EPDR1: variants seen among roughly 807,000 people sequenced by gnomAD.
The protein encoded by EPDR1 is mammalian ependymin-related protein 1.
Under a neutral mutation model 23.7 loss-of-function variants are expected in EPDR1, and 27 were observed. That is an observed-to-expected ratio of 1.14 (90% CI 0.84 to 1.57). EPDR1 has a LOEUF of 1.57. EPDR1 is among the 40% of genes most tolerant of loss of function. The pLI is 0.00. For missense variants in EPDR1, 349 were observed against 290.4 expected, an observed-to-expected ratio of 1.20 and a Z score of -1.47; for synonymous variants, 137 against 118.2, an observed-to-expected ratio of 1.16 and a Z score of -1.03.
Position 37,921,019 on chromosome 7 carries a change from T to A in EPDR1, c.80T>A (p.Leu27Gln), listed in dbSNP as rs1481401028. Reference sequence around the variant, plus strand: ...CTGGGCGGCCTCTGGGCCTGGACCCTGTGCGGCCTGTGCAGCCTGGGGGCG... The same window carrying A: ...CTGGGCGGCCTCTGGGCCTGGACCCAGTGCGGCCTGTGCAGCCTGGGGGCG... ...WLLGGLWAWT[L>Q]CGLCSLGAVG... The change falls in exon 1 of 3, where the codon CTG (leucine) becomes CAG (glutamine). Residue 27 changes from leucine (L) to glutamine (Q), a missense_variant. Transcript: ENST00000199448. 1 of 1,521,908 alleles carries A rather than the reference T, an allele frequency of 6.6e-7. No homozygotes were observed. Among genetic ancestry groups the A allele is most frequent in the Admixed American group, 2.1e-5 (1 of 48,234 alleles). The allele number at this position is 1,521,908 out of a possible 1,614,324, so 94.3% of individuals were successfully genotyped here.
chr7:37,937,301 C>T lies in EPDR1; in HGVS notation c.270-11539C>T, dbSNP rs867952640. On this transcript the variant is annotated intron_variant, in intron 1 of 2. Transcript: ENST00000199448. ...AAAACCACACAGTTATGATAGAAAA[C>T]ATGATGCATTCCTTTATAATCTGAG... 2.6e-5 allele frequency among the ~76,000 whole-genome samples: 4 copies of T among 152,236 alleles called. No homozygotes were observed. The South Asian group carries it at 8.3e-4, about 32-fold the overall frequency.
Position 37,936,557 on chromosome 7 carries a change from T to C in EPDR1, c.270-12283T>C, listed in dbSNP as rs1358376360. 2.6e-5 allele frequency among the ~76,000 whole-genome samples: 4 copies of C among 152,086 alleles called. No individual in the cohort carries two copies. The East Asian group carries it at 7.7e-4, about 29-fold the overall frequency. ...ATCTCTATCAATGATATGGATATAG[T>C]ATTCCTGGAAGACACAAAAGACCTG... On this transcript the variant is annotated intron_variant, in intron 1 of 2. Transcript: ENST00000199448.
intron 1 of EPDR1, among the ~76,000 whole-genome samples, chr7:37,932,391 C>T (rs1476200402): frequency 6.6e-6 from 1 of 152,140 alleles, no homozygotes; most frequent in Non-Finnish European, 1.5e-5. Flanking sequence ...CTTACCTCGG[C>T]CTCCCAAGTA....
At chr7:37,949,341 G>A (rs973139224) in intron 2 of EPDR1, among the ~76,000 whole-genome samples, 8 of 152,154 alleles carry the variant, frequency 5.3e-5, no homozygotes, top group African/African-American at 1.9e-4. Flanking sequence ...TGACATGGAA[G>A]GCATCTGTCT....
intron 1 of EPDR1, among the ~76,000 whole-genome samples, chr7:37,936,989 T>C (rs1786066972): frequency 6.6e-6 from 1 of 152,170 alleles, no homozygotes; most frequent in Non-Finnish European, 1.5e-5. Flanking sequence ...GGAGGACTAG[T>C]AAATTTGACC....
chr7:37,947,566 A>C (rs1170323249), intron 1 of EPDR1, among the ~76,000 whole-genome samples: 1 of 152,168 alleles, frequency 6.6e-6, no homozygotes, highest in East Asian at 1.9e-4. Context: ...CCTCTAGTGC[A>C]TTGGGTCTCA....
At chr7:37,934,590 G>T (rs1786012451) in intron 1 of EPDR1, among the ~76,000 whole-genome samples, 1 of 152,006 alleles carries the variant, frequency 6.6e-6, no homozygotes, top group Non-Finnish European at 1.5e-5. Context: ...TCAGCCCTCT[G>T]CATCCATGGA....
intron 2 of EPDR1, among the ~76,000 whole-genome samples, chr7:37,949,936 C>T (rs951933556): frequency 6.6e-6 from 1 of 152,040 alleles, no homozygotes; most frequent in African/African-American, 2.4e-5. Flanking sequence ...GACAGAAAAT[C>T]GAATGATGAG....
intron 1 of EPDR1, among the ~76,000 whole-genome samples, chr7:37,948,495 T>A (rs1786327916): frequency 6.6e-6 from 1 of 152,004 alleles, no homozygotes; most frequent in South Asian, 2.1e-4. Flanking sequence ...AGCTGTGCAC[T>A]GCCATGTCTG....
At chr7:37,943,520 A>C (rs6943200) in intron 1 of EPDR1, among the ~76,000 whole-genome samples, 29,455 of 152,218 alleles carry the variant, frequency 0.19, 2,975 homozygotes, top group East Asian at 0.35. Flanking sequence ...CACACACGCC[A>C]CTACAGTATC....
Position 37,950,453 on chromosome 7 carries a change from A to C in EPDR1, c.*57A>C. The C allele has an allele frequency of 6.8e-7, 1 of 1,465,024 alleles. No homozygotes were observed. Among genetic ancestry groups the C allele is most frequent in the South Asian group, 1.3e-5 (1 of 76,692 alleles). 90.8% of individuals were successfully genotyped at this position (1,465,024 alleles called of 1,614,324 possible). A position where few individuals can be genotyped will look rare whatever the true frequency, so the allele number is the denominator to read the frequency against. On this transcript the variant is annotated 3_prime_UTR_variant, in exon 3 of 3. Coordinates refer to ENST00000199448, the MANE Select transcript of EPDR1 (RefSeq NM_017549.5). ...GTCAGCCCCCTGCGGCCCCAGCTGGAGATGGATATGAGACTAGTCAAGATG... is the reference window on the plus strand; with the variant it reads ...GTCAGCCCCCTGCGGCCCCAGCTGGCGATGGATATGAGACTAGTCAAGATG...
chr7:37,936,921 A>G (rs556783260), intron 1 of EPDR1, among the ~76,000 whole-genome samples: 10 of 152,192 alleles, frequency 6.6e-5, no homozygotes, highest in African/African-American at 2.4e-4. Flanking sequence ...GCTAAATTTC[A>G]TATGGAAAAA....
chr7:37,929,608 A>G (rs1425898952), intron 1 of EPDR1, among the ~76,000 whole-genome samples: 1 of 152,194 alleles, frequency 6.6e-6, no homozygotes, highest in Non-Finnish European at 1.5e-5. Flanking sequence ...TTATAATTAA[A>G]TTTCTTAGAC....
chr7:37,927,512 C>A lies in EPDR1; in HGVS notation c.269+6304C>A, dbSNP rs78843873. Among the ~76,000 whole-genome samples, 641 of 152,304 alleles carry A rather than the reference C, an allele frequency of 4.2e-3. 5 individuals carry two copies. The highest frequency in any genetic ancestry group is 0.014 in the African/African-American group (572 of 41,574). On this transcript the variant is annotated intron_variant, in intron 1 of 2. Transcript: ENST00000199448. Reference sequence around the variant, plus strand: ...ACATGGGCTCTGCGCTCCAGGCCAGCCCATGTAGAAGCCTATCTTCCTTGG... The same window carrying A: ...ACATGGGCTCTGCGCTCCAGGCCAGACCATGTAGAAGCCTATCTTCCTTGG...
intron 1 of EPDR1, among the ~76,000 whole-genome samples, chr7:37,924,407 G>A (rs1264602097): frequency 6.6e-6 from 1 of 152,198 alleles, no homozygotes; most frequent in African/African-American, 2.4e-5. Flanking sequence ...TACCCCAACT[G>A]TGCTGTTCCT....
intron 1 of EPDR1, among the ~76,000 whole-genome samples, chr7:37,942,569 T>C (rs1037297002): frequency 1.3e-5 from 2 of 152,196 alleles, no homozygotes; most frequent in African/African-American, 4.8e-5. Flanking sequence ...GCTAAGATGG[T>C]ACATTTTTGT....
At chr7:37,947,580 G>A (rs760666201) in intron 1 of EPDR1, among the ~76,000 whole-genome samples, 2 of 152,216 alleles carry the variant, frequency 1.3e-5, no homozygotes, top group Non-Finnish European at 2.9e-5. Flanking sequence ...GGTCTCATAA[G>A]CCACAGATAA....
At chr7:37,941,759 A>G (rs867541885) in intron 1 of EPDR1, among the ~76,000 whole-genome samples, 5 of 152,236 alleles carry the variant, frequency 3.3e-5, no homozygotes, top group Admixed American at 1.3e-4. Context: ...CTCTGATTTG[A>G]AAAACCAGCT....
At chr7:37,931,670 G>A (rs918106869) in intron 1 of EPDR1, among the ~76,000 whole-genome samples, 7 of 151,812 alleles carry the variant, frequency 4.6e-5, no homozygotes, top group Non-Finnish European at 1.0e-4. Flanking sequence ...AGTTTTAGGG[G>A]AACTTTGTTT....
Sources: gnomAD v4.1 joint callset for allele counts (sites outside exome capture counted in the v4.1 genomes callset) on GRCh38, gnomAD v4.1.1 for gene constraint, MANE v1.5 for transcripts, NCBI Gene and HGNC (gene_info 2026-07-23, HGNC 2026-07-21) for gene names.